Variants in ARHGEF3 observed in about 807,000 individuals in gnomAD.
The protein encoded by ARHGEF3 is Rho guanine nucleotide exchange factor 3.
A neutral mutation model predicts 63.2 loss-of-function variants in ARHGEF3; 28 were observed. The observed-to-expected ratio is 0.44, with a 90% CI of 0.33 to 0.61. ARHGEF3 has a LOEUF of 0.61. ARHGEF3 is among the 20% of genes least tolerant of loss of function. The pLI, the probability that ARHGEF3 is intolerant of heterozygous loss-of-function variation, is 0.03. For missense variants in ARHGEF3, 533 were observed against 659.3 expected (o/e 0.81, Z 2.10); for synonymous variants, 266 against 254.2 (o/e 1.05, Z -0.44).
At chr3:56,804,248 T>C (rs1176037090), upstream of ARHGEF3, among the ~76,000 whole-genome samples, 1 of 152,192 alleles carries the variant, frequency 6.6e-6, no homozygotes, top group Non-Finnish European at 1.5e-5. Flanking sequence ...TTCCTCCTCA[T>C]GTGGAAAGTC....
At chr3:56,995,663 GA>G (rs1701954176) in intron 2 of ARHGEF3, among the ~76,000 whole-genome samples, 3 of 123,926 alleles carry the variant, frequency 2.4e-5, no homozygotes, top group Non-Finnish European at 3.6e-5. Flanking sequence ...GAGAGAGAGA[GA>G]GAGAGAGAAT....
In ARHGEF3 at chr3:56,751,724, CT is replaced by C. The variant is rs200252500; in HGVS notation, c.439-329del. ...TGTTTTCAAAATCAAGATCCTGCCT[CT>C]TAAAAAAATCCCACTTTATTCAAAA... On this transcript the variant is annotated intron_variant, in intron 4 of 9. Coordinates refer to ENST00000296315, the MANE Select transcript of ARHGEF3 (RefSeq NM_019555.3). Among the ~76,000 whole-genome samples, 49 of 152,164 alleles carry C rather than the reference CT, an allele frequency of 3.2e-4. No individual in the cohort carries two copies. In the East Asian group the frequency reaches 9.4e-3, roughly 29 times the overall value.
intron 1 of ARHGEF3, among the ~76,000 whole-genome samples, chr3:57,061,182 A>C (rs879343698): frequency 5.3e-5 from 8 of 152,036 alleles, no homozygotes; most frequent in Non-Finnish European, 8.8e-5. Flanking sequence ...TTCTCTCTCT[A>C]AACTTGCTAT....
At chr3:57,003,401 C>CAAAAAAAAAAAAA (rs60214570) in intron 2 of ARHGEF3, among the ~76,000 whole-genome samples, 2 of 43,728 alleles carry the variant, frequency 4.6e-5, no homozygotes, top group Non-Finnish European at 7.5e-5. Context: ...GACGCCGTCT[C>CAAAAAAAAAAAAA]AAAAAAAAAA....
chr3:56,924,633 C>G lies in ARHGEF3; in HGVS notation c.129+34190G>C, dbSNP rs569179649. ...TTTATAGAACATATAGGGTAACTTC[C>G]TGACGTTGCCAAGGCGTTTGTAAAC... On this transcript the variant is annotated intron_variant, in intron 3 of 12. Coordinates refer to the ARHGEF3 transcript ENST00000338458. 2.6e-5 allele frequency among the ~76,000 whole-genome samples: 4 copies of G among 152,294 alleles called. No homozygotes were observed. In the South Asian group the frequency reaches 8.3e-4, roughly 32 times the overall value.
chr3:56,749,561 G>A, intron 6 of ARHGEF3, among the ~76,000 whole-genome samples: 1 of 152,136 alleles, frequency 6.6e-6, no homozygotes, highest in East Asian at 1.9e-4. Context: ...GAGACACTGA[G>A]GCACTCTCTA....
intron 1 of ARHGEF3, among the ~76,000 whole-genome samples, chr3:56,789,668 A>G (rs984954413): frequency 6.6e-6 from 1 of 152,214 alleles, no homozygotes; most frequent in Admixed American, 6.5e-5. Context: ...CTGTATTGCC[A>G]TGATAATTTT....
intron 2 of ARHGEF3, among the ~76,000 whole-genome samples, chr3:56,963,178 T>C (rs1379166289): frequency 6.6e-6 from 1 of 151,998 alleles, no homozygotes; most frequent in Non-Finnish European, 1.5e-5. Flanking sequence ...AATAATCCCT[T>C]TTCACAAAAT....
chr3:56,742,174 A>AT lies in ARHGEF3; in HGVS notation c.870+3030dup, dbSNP rs879664535. On this transcript the variant is annotated intron_variant, in intron 7 of 9. Transcript: ENST00000296315. Reference sequence around the variant, plus strand: ...ACTGTTTTTCCCACTGATTTCAGTGATTTTTTTTTTTTTTAGGAGTTGAGA... The same window carrying AT: ...ACTGTTTTTCCCACTGATTTCAGTGATTTTTTTTTTTTTTTAGGAGTTGAGA... Among the ~76,000 whole-genome samples, 429 of 143,766 alleles carry AT rather than the reference A, an allele frequency of 3.0e-3. 1 individual carries two copies. Among genetic ancestry groups the AT allele is most frequent in the East Asian group, 0.017 (84 of 4,944 alleles). The allele number at this position is 143,766 out of a possible 152,430, so 94.3% of individuals were successfully genotyped here. A position where few individuals can be genotyped will look rare whatever the true frequency, so the allele number is the denominator to read the frequency against.
In ARHGEF3 at chr3:56,831,073, G is replaced by A. The variant is rs144023512; in HGVS notation, c.192+51219C>T. Among the ~76,000 whole-genome samples, 4 of 152,268 alleles carry A rather than the reference G, an allele frequency of 2.6e-5. No homozygotes were observed. In the East Asian group the frequency reaches 7.7e-4, roughly 29 times the overall value. On this transcript the variant is annotated intron_variant, in intron 4 of 12. Coordinates refer to the ARHGEF3 transcript ENST00000338458. Reference sequence around the variant, plus strand: ...AGAGATCTTGTCCCTCATGTTTGCTGTTTCATCACCAACACCTCAAACAGT... The same window carrying A: ...AGAGATCTTGTCCCTCATGTTTGCTATTTCATCACCAACACCTCAAACAGT...
intron 3 of ARHGEF3, among the ~76,000 whole-genome samples, chr3:56,939,464 C>T (rs918167831): frequency 1.3e-5 from 2 of 152,164 alleles, no homozygotes; most frequent in African/African-American, 4.8e-5. Context: ...ATCAATACGA[C>T]TAACCACAAA....
intron 1 of ARHGEF3, among the ~76,000 whole-genome samples, chr3:56,788,397 G>A (rs1433828343): frequency 6.6e-6 from 1 of 152,190 alleles, no homozygotes; most frequent in Non-Finnish European, 1.5e-5. Context: ...AGGACAGAAA[G>A]CATGGCTTTT....
intron 4 of ARHGEF3, among the ~76,000 whole-genome samples, chr3:56,873,226 T>TA (rs200188830): frequency 3.3e-5 from 5 of 151,224 alleles, no homozygotes; most frequent in Admixed American, 1.3e-4. Flanking sequence ...TATGTTTGTT[T>TA]TTTTTTTTTT....
intron 4 of ARHGEF3, among the ~76,000 whole-genome samples, chr3:56,825,879 T>C (rs775532726): frequency 9.9e-5 from 15 of 152,138 alleles, no homozygotes; most frequent in Non-Finnish European, 1.9e-4. Context: ...GAGCTTATGG[T>C]TAAAATGGGA....
In ARHGEF3 at chr3:56,729,208, G is replaced by T; in HGVS notation, c.*62C>A. ...AGTGCTTCTCCAAACCGTTCCATCT[G>T]TGGAATGCAAATACTGTACAGGTAA... On this transcript the variant is annotated 3_prime_UTR_variant, in exon 10 of 10. Coordinates refer to ENST00000296315, the MANE Select transcript of ARHGEF3 (RefSeq NM_019555.3). 1 of 1,443,748 alleles carries T rather than the reference G, an allele frequency of 6.9e-7. No individual in the cohort carries two copies. The highest frequency in any genetic ancestry group is 9.4e-7 in the Non-Finnish European group (1 of 1,062,088). The allele number at this position is 1,443,748 out of a possible 1,614,324, so 89.4% of individuals were successfully genotyped here.
At chr3:56,976,222 T>C (rs1701121413) in intron 2 of ARHGEF3, among the ~76,000 whole-genome samples, 1 of 152,148 alleles carries the variant, frequency 6.6e-6, no homozygotes, top group South Asian at 2.1e-4. Context: ...TTGTATTTTT[T>C]AGTAGAGACG....
intron 4 of ARHGEF3, among the ~76,000 whole-genome samples, chr3:56,812,054 T>C (rs1034102542): frequency 2.0e-5 from 3 of 152,194 alleles, no homozygotes; most frequent in Non-Finnish European, 4.4e-5. Context: ...CCCCAGCTCC[T>C]CCTATTACGC....
intron 2 of ARHGEF3, among the ~76,000 whole-genome samples, chr3:57,002,897 C>CCT: frequency 6.6e-6 from 1 of 151,270 alleles, no homozygotes; most frequent in Middle Eastern, 3.4e-3. Flanking sequence ...CCTCAGCTTC[C>CCT]TGAGTAGCTG....
intron 9 of ARHGEF3, chr3:56,731,755 A>T (rs1175424110): frequency 5.7e-6 from 1 of 176,088 alleles, no homozygotes; most frequent in East Asian, 1.6e-4. Context: ...TCTTTTAGTT[A>T]ATTTGTTTAT....
Sources: gnomAD v4.1 joint callset for allele counts (sites outside exome capture counted in the v4.1 genomes callset) on GRCh38, gnomAD v4.1.1 for gene constraint, MANE v1.5 for transcripts, NCBI Gene and HGNC (gene_info 2026-07-23, HGNC 2026-07-21) for gene names.